TRHDE: variants seen among roughly 807,000 people sequenced by gnomAD.
TRHDE encodes the protein thyrotropin releasing hormone degrading enzyme.
Under a neutral mutation model 125.7 loss-of-function variants are expected in TRHDE, and 72 were observed. That is an observed-to-expected ratio of 0.57 (90% confidence interval 0.47 to 0.70). TRHDE has a LOEUF of 0.70. TRHDE is among the 30% of genes least tolerant of loss of function. The pLI, the probability that TRHDE is intolerant of heterozygous loss-of-function variation, is 0.00. For synonymous variants in TRHDE, 509 were observed against 509.1 expected (o/e 1.00, Z 0.00); for missense variants, 1,110 against 1,327.1 (o/e 0.84, Z 2.54).
At chr12:72,316,413 T>G (rs1159299223) in intron 2 of TRHDE, among the ~76,000 whole-genome samples, 1 of 152,104 alleles carries the variant, frequency 6.6e-6, no homozygotes, top group African/African-American at 2.4e-5. Context: ...CATACAGAAA[T>G]GTGCTCAAGT....
chr12:72,445,588 T>G (rs1235540777), intron 3 of TRHDE, among the ~76,000 whole-genome samples: 2 of 151,944 alleles, frequency 1.3e-5, no homozygotes, highest in Non-Finnish European at 2.9e-5. Flanking sequence ...GGAAAATAAT[T>G]AACTGTTACC....
chr12:72,496,729 A>C (rs528845493), intron 5 of TRHDE, among the ~76,000 whole-genome samples: 1 of 152,178 alleles, frequency 6.6e-6, no homozygotes, highest in African/African-American at 2.4e-5. Flanking sequence ...CTTATCTCAC[A>C]TTAAAGCTAG....
intron 3 of TRHDE, among the ~76,000 whole-genome samples, chr12:72,416,453 C>A (rs1411786603): frequency 6.6e-6 from 1 of 151,868 alleles, no homozygotes; most frequent in East Asian, 1.9e-4. Context: ...GTCAAATAAT[C>A]TTTACCCACA....
chr12:72,603,123 AAAG>A (rs561931320), intron 12 of TRHDE, among the ~76,000 whole-genome samples: 123 of 152,344 alleles, frequency 8.1e-4, no homozygotes, highest in African/African-American at 2.8e-3. Flanking sequence ...GCAAAAGAAT[AAAG>A]AAGAGATAAG....
At chr12:72,597,754 T>TATATATATATATATATATATATATAC (rs1872033818) in intron 12 of TRHDE, among the ~76,000 whole-genome samples, 1 of 9,284 alleles carries the variant, frequency 1.1e-4, no homozygotes, top group Non-Finnish European at 2.5e-4. Context: ...TATATATATA[T>TATATATATATATATATATATATATAC]ATATGCATAC....
intron 2 of TRHDE, among the ~76,000 whole-genome samples, chr12:72,205,202 C>G (rs781285812): frequency 6.6e-6 from 1 of 152,086 alleles, no homozygotes; most frequent in Non-Finnish European, 1.5e-5. Context: ...TTTTCATGCC[C>G]TTTGGTACAC....
intron 3 of TRHDE, among the ~76,000 whole-genome samples, chr12:72,388,899 C>T (rs1872531277): frequency 6.6e-6 from 1 of 150,688 alleles, no homozygotes; most frequent in East Asian, 1.9e-4. Flanking sequence ...CCTATCAGCT[C>T]TTCTCCTCCT....
At position 72,665,568 on chromosome 12, in the gene TRHDE, A is replaced by G. The variant is rs1469732802; in HGVS notation, c.*2373A>G. On this transcript the variant is annotated 3_prime_UTR_variant, in exon 19 of 19. Coordinates refer to ENST00000261180, the MANE Select transcript of TRHDE (RefSeq NM_013381.3). ...AGTTGTTTAAATAAGTAATATTTTC[A>G]AAAGAATAAAATAACCAATGATATC... The G allele has an allele frequency of 6.6e-6, 1 of 152,300 alleles. No homozygotes were observed. The allele number at this position is 152,300 out of a possible 1,614,324, so 9.4% of individuals were successfully genotyped here. A position where few individuals can be genotyped will look rare whatever the true frequency, so the allele number is the denominator to read the frequency against.
At chr12:72,595,574 A>T (rs1034063218) in intron 12 of TRHDE, among the ~76,000 whole-genome samples, 2 of 152,124 alleles carry the variant, frequency 1.3e-5, no homozygotes, top group African/African-American at 2.4e-5. Context: ...GTTTATTTTT[A>T]AAAATATAAT....
intron 7 of TRHDE, among the ~76,000 whole-genome samples, chr12:72,544,787 T>C (rs1046791679): frequency 3.3e-5 from 5 of 151,628 alleles, no homozygotes; most frequent in South Asian, 2.1e-4. Context: ...TGTGTGTATA[T>C]GTATATGTAA....
chr12:72,669,783 T>C lies in TRHDE; in HGVS notation c.*6588T>C, dbSNP rs1201603158. ...TTGTATTCTACCTTTCAAAATATTG[T>C]GTAACAGCAATTCCACATTATCCTT... is the stretch of plus-strand genomic sequence containing the variant. On this transcript the variant is annotated 3_prime_UTR_variant, in exon 19 of 19. Transcript: ENST00000261180. 1 of 151,878 alleles carries C rather than the reference T, an allele frequency of 6.6e-6. No homozygotes were observed. Among genetic ancestry groups the C allele is most frequent in the Non-Finnish European group, 1.5e-5 (1 of 67,854 alleles). The allele number at this position is 151,878 out of a possible 1,614,324, so 9.4% of individuals were successfully genotyped here.
intron 12 of TRHDE, among the ~76,000 whole-genome samples, chr12:72,610,497 C>T (rs1404325097): frequency 2.6e-5 from 4 of 152,156 alleles, no homozygotes; most frequent in African/African-American, 2.4e-5. Context: ...TAAATCAGAT[C>T]GTGTCATTTC....
intron 12 of TRHDE, among the ~76,000 whole-genome samples, chr12:72,577,982 T>C (rs1871074885): frequency 6.6e-6 from 1 of 152,160 alleles, no homozygotes; most frequent in African/African-American, 2.4e-5. Context: ...TTAGGCAAAT[T>C]CTCTGGTCTT....
At chr12:72,584,271 A>G (rs1871355791) in intron 12 of TRHDE, among the ~76,000 whole-genome samples, 1 of 151,648 alleles carries the variant, frequency 6.6e-6, no homozygotes, top group Non-Finnish European at 1.5e-5. Flanking sequence ...GGTCCATTTT[A>G]TTTTTTTTCA....
chr12:72,536,066 T>G (rs925971540), intron 6 of TRHDE, among the ~76,000 whole-genome samples: 5 of 152,138 alleles, frequency 3.3e-5, no homozygotes, highest in Non-Finnish European at 7.4e-5. Context: ...TTTCTTAACT[T>G]CTCTTGTGCT....
chr12:72,432,634 C>T (rs898263231), intron 3 of TRHDE, among the ~76,000 whole-genome samples: 7 of 152,196 alleles, frequency 4.6e-5, no homozygotes, highest in East Asian at 1.9e-4. Flanking sequence ...CATCATCAAA[C>T]ATTTGAAGCC....
At chr12:72,548,696 G>A (rs201254676) in intron 7 of TRHDE, among the ~76,000 whole-genome samples, 1 of 151,178 alleles carries the variant, frequency 6.6e-6, no homozygotes, top group East Asian at 1.9e-4. Flanking sequence ...AAAAATTAAA[G>A]CTGTAATTAT....
intron 2 of TRHDE, among the ~76,000 whole-genome samples, chr12:72,218,580 T>C (rs1217560314): frequency 6.6e-6 from 1 of 152,112 alleles, no homozygotes; most frequent in South Asian, 2.1e-4. Flanking sequence ...AAGTTTGAAA[T>C]CAAAGTATCA....
intron 3 of TRHDE, among the ~76,000 whole-genome samples, chr12:72,402,459 G>C (rs1873082817): frequency 6.6e-6 from 1 of 152,084 alleles, no homozygotes; most frequent in South Asian, 2.1e-4. Flanking sequence ...CCTTGGTCTG[G>C]GGAAGCATTA....
Sources: allele counts gnomAD v4.1 joint callset (sites outside exome capture counted in the v4.1 genomes callset), GRCh38; gene constraint gnomAD v4.1.1; transcripts MANE v1.5; gene names NCBI Gene and HGNC (gene_info 2026-07-23, HGNC 2026-07-21).